Variants in MED22 observed in about 807,000 individuals in gnomAD.
MED22 encodes the protein mediator complex subunit 22.
Under a neutral mutation model 22.7 loss-of-function variants are expected in MED22, and 22 were observed. The ratio of observed to expected loss-of-function variants is 0.97; its 90% CI spans 0.69 to 1.38. The LOEUF is 1.38. Ranked by LOEUF, MED22 falls within the 40% of genes most tolerant of loss-of-function variation. MED22 has a pLI of 0.00. For synonymous variants in MED22, 134 were observed against 119.4 expected, an observed-to-expected ratio of 1.12 and a Z score of -0.80; for missense variants, 247 against 263.0, an observed-to-expected ratio of 0.94 and a Z score of 0.42.
At chr9:133,342,759 T>C in intron 4 of MED22, 1 of 985,858 alleles carries the variant, frequency 1.0e-6, no homozygotes, top group African/African-American at 1.7e-5. Flanking sequence ...GAAGCCCCGC[T>C]GGGTGAAGCT....
Position 133,341,535 on chromosome 9 carries a change from A to G in MED22, c.573T>C (p.Ala191=). 1.3e-6 allele frequency: 2 copies of G among 1,533,964 alleles called. No individual in the cohort carries two copies. The highest frequency in any genetic ancestry group is 1.7e-6 in the Non-Finnish European group (2 of 1,151,048). Reference sequence around the variant, plus strand: ...CGTGCTCAGTGGGGCCAGGGCCACCAGCATGGGAGTGGGCAGGGGCTGCCA... The same window carrying G: ...CGTGCTCAGTGGGGCCAGGGCCACCGGCATGGGAGTGGGCAGGGGCTGCCA... ...LQVAAPAHSH[A]GGPGPTEHA The change falls in exon 5 of 5, where the codon GCT becomes GCC. Residue 191 remains alanine (A), a synonymous_variant. Coordinates refer to ENST00000343730, the MANE Select transcript of MED22 (RefSeq NM_133640.5).
At chr9:133,346,876 T>G (rs2129970340) in intron 1 of MED22, among the ~76,000 whole-genome samples, 176 bp from the exon 2 acceptor site, 1 of 152,334 alleles carries the variant, frequency 6.6e-6, no homozygotes, top group Middle Eastern at 3.4e-3. Context: ...GTGCCAGGAC[T>G]GGCCCCGCCT....
At chr9:133,342,124 T>TA (rs2119057911) in intron 4 of MED22, 6 of 1,023,468 alleles carry the variant, frequency 5.9e-6, no homozygotes, top group Non-Finnish European at 7.0e-6. Flanking sequence ...GGGCAGACTG[T>TA]GTTCTTTCTG....
chr9:133,343,029 T>C (rs1836059253), intron 4 of MED22: 1 of 987,004 alleles, frequency 1.0e-6, no homozygotes, highest in Non-Finnish European at 1.2e-6. Context: ...TCAGCCACCC[T>C]AGTGTGGAGG....
chr9:133,345,448 C>G (rs1354869837), intron 2 of MED22, among the ~76,000 whole-genome samples, 196 bp from the exon 3 acceptor site: 1 of 152,184 alleles, frequency 6.6e-6, no homozygotes, highest in Admixed American at 6.5e-5. Flanking sequence ...CTCTCTTGTT[C>G]TGGCCATGGG....
chr9:133,348,060 C>A lies in MED22; in HGVS notation c.-177G>T, dbSNP rs965172679. The A allele has an allele frequency of 1.2e-6, 1 of 802,848 alleles. No individual in the cohort carries two copies. Among genetic ancestry groups the A allele is most frequent in the African/African-American group, 1.7e-5 (1 of 58,586 alleles). 49.7% of individuals were successfully genotyped at this position (802,848 alleles called of 1,614,324 possible). On this transcript the variant is annotated 5_prime_UTR_variant, in exon 1 of 5. Transcript: ENST00000343730. ...CCGCCGCAGTCTCTCTTCCCCGCCG[C>A]GCCGCGGTCCGAAAACCTAGTCAGC...
chr9:133,342,965 G>T, intron 4 of MED22: 1 of 985,876 alleles, frequency 1.0e-6, no homozygotes, highest in Non-Finnish European at 1.2e-6. Flanking sequence ...CCGACAAACT[G>T]AACAGCTGTG....
rs1380312778 is a variant in MED22 at position 133,339,751 on chromosome 9, A to G, written c.*1754T>C. On this transcript the variant is annotated 3_prime_UTR_variant, in exon 5 of 5. Coordinates refer to ENST00000343730, the MANE Select transcript of MED22 (RefSeq NM_133640.5). Reference sequence around the variant, plus strand: ...CTTAGCAATGTGGAGGCCACTGGTGACCTTAATAGGTGTAGTTTTGCTAGA... The same window carrying G: ...CTTAGCAATGTGGAGGCCACTGGTGGCCTTAATAGGTGTAGTTTTGCTAGA... The G allele has an allele frequency of 4.4e-6, 1 of 225,570 alleles. No homozygotes were observed. The highest frequency in any genetic ancestry group is 8.8e-6 in the Non-Finnish European group (1 of 113,710). The allele number at this position is 225,570 out of a possible 1,614,324, so 14.0% of individuals were successfully genotyped here. A position where few individuals can be genotyped will look rare whatever the true frequency, so the allele number is the denominator to read the frequency against.
intron 4 of MED22, chr9:133,342,085 G>T (rs951340982): frequency 3.7e-6 from 4 of 1,084,574 alleles, no homozygotes; most frequent in Non-Finnish European, 4.5e-6. Flanking sequence ...AGAAACCCCA[G>T]TGTCACTACA....
chr9:133,339,185 A>G lies in MED22; in HGVS notation c.*2320T>C, dbSNP rs1835954075. The G allele has an allele frequency of 1.4e-6, 1 of 691,106 alleles. No homozygotes were observed. Among genetic ancestry groups the G allele is most frequent in the Non-Finnish European group, 2.7e-6 (1 of 371,362 alleles). 42.8% of individuals were successfully genotyped at this position (691,106 alleles called of 1,614,324 possible). A position where few individuals can be genotyped will look rare whatever the true frequency, so the allele number is the denominator to read the frequency against. ...CCATGGCTAGACTGGGAGAGTCTAC[A>G]GTGTTCCCCAGCATGCTGTTGGCAC... is the stretch of plus-strand genomic sequence containing the variant. On this transcript the variant is annotated 3_prime_UTR_variant, in exon 5 of 5. Coordinates refer to ENST00000343730, the MANE Select transcript of MED22 (RefSeq NM_133640.5).
chr9:133,346,206 C>A (rs185698140), intron 2 of MED22, among the ~76,000 whole-genome samples: 7,623 of 152,262 alleles, frequency 0.05, 213 homozygotes, highest in African/African-American at 0.073. Context: ...AGGCCCCCCC[C>A]CACTTCTCCC....
At position 133,339,307 on chromosome 9, in the gene MED22, G is replaced by C; in HGVS notation, c.*2198C>G. ...AAGAGCCGAGAGAGCTTCCTGAAACGCGTGAAGGAAAATGATCAGAAAAAG... is the reference window on the plus strand; with the variant it reads ...AAGAGCCGAGAGAGCTTCCTGAAACCCGTGAAGGAAAATGATCAGAAAAAG... On this transcript the variant is annotated 3_prime_UTR_variant, in exon 5 of 5. Transcript: ENST00000343730. 2.8e-6 allele frequency: 2 copies of C among 704,926 alleles called. No individual in the cohort carries two copies. Among genetic ancestry groups the C allele is most frequent in the South Asian group, 2.7e-5 (2 of 73,186 alleles). The allele number at this position is 704,926 out of a possible 1,614,324, so 43.7% of individuals were successfully genotyped here. A position where few individuals can be genotyped will look rare whatever the true frequency, so the allele number is the denominator to read the frequency against.
chr9:133,342,451 G>C, intron 4 of MED22: 1 of 985,974 alleles, frequency 1.0e-6, no homozygotes. Context: ...CCTGGGCACA[G>C]AGTGGCATCC....
chr9:133,345,148 G>A (rs887306318), intron 3 of MED22, 24 bp downstream of exon 3: 6 of 1,610,454 alleles, frequency 3.7e-6, no homozygotes, highest in African/African-American at 1.3e-5. Context: ...AGCCCAGGCC[G>A]TGCCCTCCAC....
chr9:133,342,923 G>A, intron 4 of MED22: 2 of 985,728 alleles, frequency 2.0e-6, no homozygotes, highest in Non-Finnish European at 2.4e-6. Context: ...TCTGTGCAGG[G>A]GCCCTCAGGG....
At position 133,345,192 on chromosome 9, in the gene MED22, G is replaced by A. The variant is rs1316672069; in HGVS notation, c.184C>T (p.His62Tyr). Residue 62 changes from histidine (H) to tyrosine (Y), a missense_variant, in exon 3 of 5, where the codon CAT becomes TAT. By Grantham distance (83) the His-to-Tyr change is moderately conservative. Transcript: ENST00000343730. Reference sequence around the variant, plus strand: ...CTCACGATGTTGGCGGCTCGCACATGCATCTCGTAATTGTCCTGTTCACCC... The same window carrying A: ...CTCACGATGTTGGCGGCTCGCACATACATCTCGTAATTGTCCTGTTCACCC... ...TQGEQDNYEM[H>Y]VRAANIVRAG... The A allele has an allele frequency of 2.5e-6, 4 of 1,613,992 alleles. No individual in the cohort carries two copies. The highest frequency in any genetic ancestry group is 1.7e-6 in the Non-Finnish European group (2 of 1,180,000).
intron 4 of MED22, chr9:133,342,031 G>T: frequency 9.0e-7 from 1 of 1,114,252 alleles, no homozygotes; most frequent in Non-Finnish European, 1.1e-6. Flanking sequence ...CCCTCCTCTT[G>T]CAAAAAGCTG....
In MED22 at chr9:133,341,498, C is replaced by G; in HGVS notation, c.*7G>C. On this transcript the variant is annotated 3_prime_UTR_variant, in exon 5 of 5. Coordinates refer to ENST00000343730, the MANE Select transcript of MED22 (RefSeq NM_133640.5). ...TGTTCCTGAGAACGAAGCGTGGCCCCGGAGGCTCAGGCGTGCTCAGTGGGG... is the reference window on the plus strand; with the variant it reads ...TGTTCCTGAGAACGAAGCGTGGCCCGGGAGGCTCAGGCGTGCTCAGTGGGG... The G allele has an allele frequency of 6.7e-7, 1 of 1,486,146 alleles. No individual in the cohort carries two copies. The highest frequency in any genetic ancestry group is 8.9e-7 in the Non-Finnish European group (1 of 1,126,556). 92.1% of individuals were successfully genotyped at this position (1,486,146 alleles called of 1,614,324 possible).
At position 133,344,153 on chromosome 9, in the gene MED22, CG is replaced by C. The variant is rs2129959857; in HGVS notation, c.384del (p.Tyr128Ter). On this transcript the variant is annotated frameshift_variant, in exon 4 of 5. Transcript: ENST00000343730. LOFTEE classifies it high-confidence loss of function. Reference protein sequence around the residue: ...TLRDEISIDLYELEEEYYSSS... With the variant: ...TLRDEISIDLXELEEEYYSSS... ...GACGAGTAATACTCCTCCTCCAGCT[CG>C]TAGAGGTCAATGGAGATCTCGTCTC... 1 of 1,614,166 alleles carries C rather than the reference CG, an allele frequency of 6.2e-7. No homozygotes were observed. Among genetic ancestry groups the C allele is most frequent in the Non-Finnish European group, 8.5e-7 (1 of 1,180,034 alleles).
Sources: gnomAD v4.1 joint callset for allele counts (sites outside exome capture counted in the v4.1 genomes callset) on GRCh38, gnomAD v4.1.1 for gene constraint, MANE v1.5 for transcripts, NCBI Gene and HGNC (gene_info 2026-07-23, HGNC 2026-07-21) for gene names.